The following ZNF41 variants were observed in gnomAD, a reference collection of about 807,000 sequenced individuals.
ZNF41 encodes zinc finger protein 41.
Under a neutral mutation model 9.3 loss-of-function variants are expected in ZNF41, and 6 were observed. The observed-to-expected ratio is 0.65, with a 90% CI of 0.35 to 1.28. ZNF41 has a LOEUF of 1.28. Among genes scored for constraint, ZNF41 ranks in the 50% most tolerant of loss-of-function variants. The pLI, the probability that ZNF41 is intolerant of heterozygous loss-of-function variation, is 0.03. For synonymous variants in ZNF41, 192 were observed against 207.1 expected (o/e 0.93, Z 0.63); for missense variants, 523 against 585.8 (o/e 0.89, Z 1.11).
intron 2 of ZNF41, 69 bp downstream of exon 2, chrX:47,467,341 C>T: frequency 8.6e-7 from 1 of 1,167,938 alleles, no homozygotes. Flanking sequence ...TGCCCTTAGG[C>T]CCTGGGGACA....
In ZNF41 at chrX:47,472,797, A is replaced by C. The variant is rs186531588; in HGVS notation, c.-279-5037T>G. 5.4e-3 allele frequency among the ~76,000 whole-genome samples: 594 copies of C among 109,697 alleles called. 2 individuals carry two copies. Among genetic ancestry groups the C allele is most frequent in the African/African-American group, 0.019 (560 of 30,190 alleles). ...GAGTGCAGTGGCATGATCTTGGCTC[A>C]CTGCAACATCTGCCTCCTGAGTTCA... On this transcript the variant is annotated intron_variant, in intron 1 of 4. Coordinates refer to ENST00000684689, the MANE Select transcript of ZNF41 (RefSeq NM_001324144.2).
At chrX:47,478,761 T>C (rs948467144) in intron 1 of ZNF41, among the ~76,000 whole-genome samples, 4 of 109,442 alleles carry the variant, frequency 3.7e-5, no homozygotes, top group Non-Finnish European at 7.6e-5. Context: ...GCCTGGCCAA[T>C]GTCTCTACTA....
intron 1 of ZNF41, among the ~76,000 whole-genome samples, chrX:47,469,420 T>C (rs987407714): frequency 3.8e-5 from 4 of 105,336 alleles, no homozygotes; most frequent in Admixed American, 1.1e-4. Context: ...CTCAAGGGAA[T>C]AGTCTAAACA....
chrX:47,477,768 G>GC (rs1182840587), intron 1 of ZNF41, among the ~76,000 whole-genome samples: 1 of 111,631 alleles, frequency 9.0e-6, no homozygotes, highest in African/African-American at 3.3e-5. Flanking sequence ...TAACTTTCAG[G>GC]CCCAGACAAA....
intron 1 of ZNF41, among the ~76,000 whole-genome samples, chrX:47,470,587 C>T (rs183948779): frequency 0.015 from 1,498 of 98,179 alleles, 26 homozygotes; most frequent in Middle Eastern, 0.031. Flanking sequence ...ATTAGCCGGG[C>T]GTGGTGGCAG....
intron 1 of ZNF41, among the ~76,000 whole-genome samples, chrX:47,477,330 G>A (rs1226725366): frequency 9.1e-6 from 1 of 110,343 alleles, no homozygotes; most frequent in Non-Finnish European, 1.9e-5. Flanking sequence ...TTTTAATAGA[G>A]ATGGTGTTTC....
At chrX:47,470,237 C>A (rs1464663491) in intron 1 of ZNF41, among the ~76,000 whole-genome samples, 1 of 106,927 alleles carries the variant, frequency 9.4e-6, no homozygotes, top group Non-Finnish European at 1.9e-5. Flanking sequence ...CATGGTGAAA[C>A]CCCGTCTCTA....
At chrX:47,470,812 A>G (rs1048690440) in intron 1 of ZNF41, among the ~76,000 whole-genome samples, 54 of 111,707 alleles carry the variant, frequency 4.8e-4, no homozygotes, top group African/African-American at 1.7e-3. Context: ...AGTATGTTAT[A>G]ATGCAAAGAA....
In ZNF41 at chrX:47,448,599, C is replaced by T. The variant is rs778959148; in HGVS notation, c.1171G>A (p.Gly391Ser). The part of the protein sequence containing the change: ...KPYECSECGK[G>S]FSQNSDLSIH... ...CTGAGGTCTGAGTTCTGGGAGAAGC[C>T]TTTTCCACATTCACTGCATTCATAA... Residue 391 changes from glycine to serine, a missense_variant, in exon 5 of 5, where the codon GGC (glycine) becomes AGC (serine). Gly to Ser is a moderately conservative substitution (Grantham distance 56). Coordinates refer to ENST00000684689, the MANE Select transcript of ZNF41 (RefSeq NM_001324144.2). The T allele has an allele frequency of 3.3e-6, 4 of 1,209,963 alleles. No individual in the cohort carries two copies. The highest frequency in any genetic ancestry group is 4.5e-6 in the Non-Finnish European group (4 of 895,302).
chrX:47,458,892 G>C (rs1168269084), intron 2 of ZNF41, among the ~76,000 whole-genome samples: 1 of 109,182 alleles, frequency 9.2e-6, no homozygotes, highest in Non-Finnish European at 1.9e-5. Context: ...AAAGCACTGG[G>C]ATTGTAGGCG....
chrX:47,478,935 A>G (rs957447904), intron 1 of ZNF41, among the ~76,000 whole-genome samples: 2 of 111,276 alleles, frequency 1.8e-5, no homozygotes, highest in African/African-American at 6.5e-5. Flanking sequence ...CTCTGTCTAA[A>G]ATAAATAAAT....
chrX:47,456,058 G>T, intron 3 of ZNF41, 42 bp from the exon 4 acceptor site: 1 of 1,140,070 alleles, frequency 8.8e-7, no homozygotes, highest in African/African-American at 1.8e-5. Flanking sequence ...CAGCTGATTG[G>T]GTTTCAGGGG....
At chrX:47,456,884 A>G (rs2056583785) in intron 2 of ZNF41, among the ~76,000 whole-genome samples, 1 of 111,705 alleles carries the variant, frequency 9.0e-6, no homozygotes, top group African/African-American at 3.3e-5. Flanking sequence ...CATGAGCAAC[A>G]GTGTGGAGAA....
intron 4 of ZNF41, among the ~76,000 whole-genome samples, chrX:47,455,554 C>T (rs966144588): frequency 9.0e-6 from 1 of 111,226 alleles, no homozygotes; most frequent in African/African-American, 3.3e-5. Flanking sequence ...CACTGCACTC[C>T]AGCCTGGGCC....
Position 47,458,786 on chromosome X carries a change from T to TG in ZNF41, c.73-2389_73-2388insC, listed in dbSNP as rs200651200. Among the ~76,000 whole-genome samples the TG allele has an allele frequency of 3.0e-3, 324 of 107,424 alleles. 3 individuals are homozygous for TG. The highest frequency in any genetic ancestry group is 0.01 in the African/African-American group (303 of 29,436). The allele number at this position is 107,424 out of a possible 115,157, so 93.3% of individuals were successfully genotyped here. A position where few individuals can be genotyped will look rare whatever the true frequency, so the allele number is the denominator to read the frequency against. On this transcript the variant is annotated intron_variant, in intron 2 of 4. Transcript: ENST00000684689. ...GCTTCGTTTTTTTTTTGTTTTGTTT[T>TG]TTTTTTTTGTATTTTGTAGAGACAG...
chrX:47,471,321 C>T lies in ZNF41; in HGVS notation c.-279-3561G>A, dbSNP rs1320159875. 2.7e-5 allele frequency among the ~76,000 whole-genome samples: 3 copies of T among 109,731 alleles called. No homozygotes were observed. In the East Asian group the frequency reaches 8.5e-4, roughly 31 times the overall value. On this transcript the variant is annotated intron_variant, in intron 1 of 4. Transcript: ENST00000684689. ...AAAATTAGCCAGGCGTGGTGGCAGA[C>T]GCCTGTAATTGTAGCTACTCGGGAG...
At chrX:47,481,858 C>T (rs1316226929) in intron 1 of ZNF41, among the ~76,000 whole-genome samples, 2 of 111,107 alleles carry the variant, frequency 1.8e-5, no homozygotes, top group Admixed American at 1.9e-4. Flanking sequence ...ATATTAATGA[C>T]AGAGAAACAA....
chrX:47,474,107 G>T (rs6609517), intron 1 of ZNF41, among the ~76,000 whole-genome samples: 1 of 111,272 alleles, frequency 9.0e-6, no homozygotes, highest in Non-Finnish European at 1.9e-5. Flanking sequence ...ATGAATTATC[G>T]TTCTAGCAAC....
At chrX:47,462,275 C>T (rs5952433) in intron 2 of ZNF41, among the ~76,000 whole-genome samples, 5,223 of 111,404 alleles carry the variant, frequency 0.047, 125 homozygotes, top group African/African-American at 0.097. Context: ...CTCTTCCCTC[C>T]CTCTGGCTTT....
Sources: allele counts gnomAD v4.1 joint callset (sites outside exome capture counted in the v4.1 genomes callset), GRCh38; gene constraint gnomAD v4.1.1; transcripts MANE v1.5; gene names NCBI Gene and HGNC (gene_info 2026-07-23, HGNC 2026-07-21).